Variants in MACROD2 observed in about 807,000 individuals in gnomAD.
The protein encoded by MACROD2 is mono-ADP ribosylhydrolase 2, also known as ADP-ribose glycohydrolase MACROD2.
A neutral mutation model predicts 70.4 loss-of-function variants in MACROD2; 36 were observed. That is an observed-to-expected ratio of 0.51 (90% CI 0.39 to 0.68). The LOEUF (loss-of-function observed/expected upper bound fraction) is 0.68. Among genes scored for constraint, MACROD2 ranks in the 30% least tolerant of loss-of-function variants. MACROD2 has a pLI of 0.00. For missense variants in MACROD2, 496 were observed against 538.4 expected (o/e 0.92, Z 0.78); for synonymous variants, 172 against 178.8 (o/e 0.96, Z 0.30).
chr20:14,671,135 T>C (rs1427734095), intron 4 of MACROD2, among the ~76,000 whole-genome samples: 1 of 152,110 alleles, frequency 6.6e-6, no homozygotes, highest in Admixed American at 6.6e-5. Context: ...CCAGGGAAAA[T>C]GAGAATTGAT....
At chr20:16,004,350 A>G (rs919781446) in intron 15 of MACROD2, among the ~76,000 whole-genome samples, 2 of 152,142 alleles carry the variant, frequency 1.3e-5, no homozygotes, top group African/African-American at 4.8e-5. Context: ...AGAACCAAGG[A>G]CTGTGTTTGT....
chr20:15,480,525 C>G (rs1346156697), intron 7 of MACROD2, among the ~76,000 whole-genome samples: 1 of 152,116 alleles, frequency 6.6e-6, no homozygotes, highest in Non-Finnish European at 1.5e-5. Flanking sequence ...TGTTCACTGC[C>G]TACTCCTCCT....
intron 5 of MACROD2, among the ~76,000 whole-genome samples, chr20:15,215,987 TAGAA>T (rs2076806859): frequency 6.6e-6 from 1 of 152,086 alleles, no homozygotes; most frequent in Non-Finnish European, 1.5e-5. Context: ...TTAAGAGTTC[TAGAA>T]AGAATGGAGA....
intron 5 of MACROD2, among the ~76,000 whole-genome samples, chr20:14,717,045 G>A (rs965066592): frequency 2.0e-5 from 3 of 151,828 alleles, no homozygotes; most frequent in African/African-American, 7.3e-5. Flanking sequence ...AAAATTTGGG[G>A]GTATTGAACC....
intron 5 of MACROD2, among the ~76,000 whole-genome samples, chr20:15,175,227 A>G (rs902689451): frequency 2.8e-5 from 4 of 140,616 alleles, no homozygotes; most frequent in East Asian, 4.4e-4. Context: ...GAATTGAACA[A>G]TGAGAACACA....
rs188129748 is a variant in MACROD2, at chr20:15,641,663, C to G, written c.645+141816C>G. ...CATCCTAACACACAAGCGTCTTACACCTCTTTGCCTTTTCCCAAAAGGCAT... is the reference window on the plus strand; with the variant it reads ...CATCCTAACACACAAGCGTCTTACAGCTCTTTGCCTTTTCCCAAAAGGCAT... On this transcript the variant is annotated intron_variant, in intron 8 of 17. Coordinates refer to ENST00000684519, the MANE Select transcript of MACROD2 (RefSeq NM_001351661.2). Among the ~76,000 whole-genome samples the G allele has an allele frequency of 9.8e-5, 15 of 152,300 alleles. No individual in the cohort carries two copies. The East Asian group carries it at 1.7e-3, about 18-fold the overall frequency.
At chr20:14,181,416 G>A (rs2081304205) in intron 3 of MACROD2, among the ~76,000 whole-genome samples, 1 of 151,924 alleles carries the variant, frequency 6.6e-6, no homozygotes, top group Non-Finnish European at 1.5e-5. Flanking sequence ...TGACGAAAAT[G>A]ATGGGGAACC....
Position 15,539,457 on chromosome 20 carries a change from A to G in MACROD2, c.645+39610A>G, listed in dbSNP as rs148169799. Among the ~76,000 whole-genome samples the G allele has an allele frequency of 4.9e-3, 750 of 152,262 alleles. 6 individuals carry two copies. Among genetic ancestry groups the G allele is most frequent in the Middle Eastern group, 0.01 (3 of 294 alleles). ...GTGATATTGAAACACCAATGCCAGTATTGTTTTTCCTGTGTCTATTCCAGC... is the reference window on the plus strand; with the variant it reads ...GTGATATTGAAACACCAATGCCAGTGTTGTTTTTCCTGTGTCTATTCCAGC... On this transcript the variant is annotated intron_variant, in intron 8 of 17. Coordinates refer to ENST00000684519, the MANE Select transcript of MACROD2 (RefSeq NM_001351661.2).
At chr20:14,735,366 C>A (rs1385142703) in intron 5 of MACROD2, among the ~76,000 whole-genome samples, 1 of 152,140 alleles carries the variant, frequency 6.6e-6, no homozygotes, top group Non-Finnish European at 1.5e-5. Context: ...GAATGGCCAA[C>A]AAGCACATGA....
At chr20:14,732,224 T>C (rs1466527044) in intron 5 of MACROD2, among the ~76,000 whole-genome samples, 1 of 152,300 alleles carries the variant, frequency 6.6e-6, no homozygotes, top group East Asian at 1.9e-4. Context: ...TTTTGTAATG[T>C]TCCTATGTAG....
At chr20:14,994,075 T>C (rs948123883) in intron 5 of MACROD2, among the ~76,000 whole-genome samples, 1 of 152,172 alleles carries the variant, frequency 6.6e-6, no homozygotes, top group Non-Finnish European at 1.5e-5. Flanking sequence ...GTTTTAGGAT[T>C]AAGAGAATAC....
intron 5 of MACROD2, among the ~76,000 whole-genome samples, chr20:14,782,047 C>A (rs1018866013): frequency 6.6e-6 from 1 of 151,900 alleles, no homozygotes; most frequent in African/African-American, 2.4e-5. Context: ...CCTCAGCCTC[C>A]CGAGTAGCTG....
chr20:15,406,300 T>A (rs2046000281), intron 6 of MACROD2, among the ~76,000 whole-genome samples: 1 of 152,190 alleles, frequency 6.6e-6, no homozygotes, highest in Admixed American at 6.5e-5. Flanking sequence ...TCATGTCCAG[T>A]TTGCTCACTC....
chr20:15,967,675 G>GAA (rs773120386), intron 13 of MACROD2, 45 bp downstream of exon 13: 41 of 646,540 alleles, frequency 6.3e-5, no homozygotes, highest in South Asian at 1.3e-4. Context: ...CTTCTGCTGG[G>GAA]AAACAGAAAA....
intron 8 of MACROD2, among the ~76,000 whole-genome samples, chr20:15,744,069 A>T (rs898096191): frequency 1.1e-4 from 17 of 152,080 alleles, no homozygotes; most frequent in Non-Finnish European, 2.1e-4. Context: ...TAGTTTTCCT[A>T]TATGTGTGCA....
At position 15,343,110 on chromosome 20, in the gene MACROD2, T is replaced by G. The variant is rs1404506779; in HGVS notation, c.541-88295T>G. On this transcript the variant is annotated intron_variant, in intron 6 of 17. Transcript: ENST00000684519. ...CATGAACAGTACAAAGCAAAAGGCA[T>G]GTTGTCAGAATTCCTTTTGGGGCTC... is the stretch of plus-strand genomic sequence containing the variant. 2.6e-5 allele frequency among the ~76,000 whole-genome samples: 4 copies of G among 152,226 alleles called. No individual in the cohort carries two copies. The East Asian group carries it at 7.7e-4, about 29-fold the overall frequency.
chr20:14,641,441 T>C lies in MACROD2; in HGVS notation c.302-43402T>C, dbSNP rs144594147. On this transcript the variant is annotated intron_variant, in intron 4 of 17. Transcript: ENST00000684519. ...CATGAATCACAAATGTTCCTAATGA[T>C]ATTTAGAATGGTAAATCCTTTCCAG... is the stretch of plus-strand genomic sequence containing the variant. Among the ~76,000 whole-genome samples, 562 of 152,352 alleles carry C rather than the reference T, an allele frequency of 3.7e-3. 6 individuals carry two copies. The highest frequency in any genetic ancestry group is 0.013 in the African/African-American group (542 of 41,580).
chr20:15,055,241 C>T (rs2123063677), intron 5 of MACROD2, among the ~76,000 whole-genome samples: 1 of 152,284 alleles, frequency 6.6e-6, no homozygotes, highest in East Asian at 1.9e-4. Context: ...TGAGCCACCA[C>T]ACCTGGGCTA....
At chr20:14,961,515 G>GT (rs1239077456) in intron 5 of MACROD2, among the ~76,000 whole-genome samples, 2 of 152,066 alleles carry the variant, frequency 1.3e-5, no homozygotes, top group African/African-American at 2.4e-5. Context: ...TAAGTTGTGT[G>GT]TTTTTTGGGT....
Sources: gnomAD v4.1 joint callset for allele counts (sites outside exome capture counted in the v4.1 genomes callset) on GRCh38, gnomAD v4.1.1 for gene constraint, MANE v1.5 for transcripts, NCBI Gene and HGNC (gene_info 2026-07-23, HGNC 2026-07-21) for gene names.